GLRA1: variants seen among roughly 807,000 people sequenced by gnomAD.
GLRA1 encodes glycine receptor subunit alpha-1.
In GLRA1, 37 loss-of-function variants were observed where a neutral mutation model predicts 48.3. The observed-to-expected ratio is 0.77, with a 90% CI of 0.59 to 1.01. The LOEUF (loss-of-function observed/expected upper bound fraction) is 1.01. Among genes scored for constraint, GLRA1 ranks in the 50% least tolerant of loss-of-function variants. The pLI is 0.00. For synonymous variants in GLRA1, 196 were observed against 210.7 expected (o/e 0.93, Z 0.60); for missense variants, 427 against 571.0 (o/e 0.75, Z 2.57).
intron 3 of GLRA1, among the ~76,000 whole-genome samples, chr5:151,868,813 G>C (rs1581631190): frequency 6.6e-6 from 1 of 152,178 alleles, no homozygotes; most frequent in African/African-American, 2.4e-5. Context: ...CTATACTCAA[G>C]TCCAGTGCTT....
chr5:151,847,429 C>G (rs184474949), intron 7 of GLRA1, among the ~76,000 whole-genome samples: 1 of 151,950 alleles, frequency 6.6e-6, no homozygotes, highest in African/African-American at 2.4e-5. Flanking sequence ...GTAAGTGAAA[C>G]GGAACATTAT....
At chr5:151,854,953 C>A in intron 6 of GLRA1, 87 bp downstream of exon 6, 2 of 1,379,698 alleles carry the variant, frequency 1.4e-6, no homozygotes, top group African/African-American at 1.4e-5. Context: ...TTCATAAGAT[C>A]TGTTGGATCA....
At chr5:151,892,459 G>C (rs772851563) in intron 1 of GLRA1, 21 bp from the exon 2 acceptor site, 1 of 1,613,484 alleles carries the variant, frequency 6.2e-7, no homozygotes, top group Non-Finnish European at 8.5e-7. Flanking sequence ...AGAGAGGAGA[G>C]CAAAAGGTTA....
intron 1 of GLRA1, 140 bp downstream of exon 1, chr5:151,924,354 G>A: frequency 1.4e-6 from 1 of 703,152 alleles, no homozygotes; most frequent in Non-Finnish European, 2.6e-6. Flanking sequence ...GGAGAAGGGA[G>A]ACGGGGGATG....
At chr5:151,890,450 T>C (rs964508478) in intron 2 of GLRA1, among the ~76,000 whole-genome samples, 1 of 152,182 alleles carries the variant, frequency 6.6e-6, no homozygotes, top group African/African-American at 2.4e-5. Flanking sequence ...CTGGAATTCC[T>C]AAAAGCAGAG....
At chr5:151,904,157 T>C (rs1754423130) in intron 1 of GLRA1, among the ~76,000 whole-genome samples, 1 of 152,218 alleles carries the variant, frequency 6.6e-6, no homozygotes, top group African/African-American at 2.4e-5. Context: ...CAAGGCTCTG[T>C]GGCCAATGCC....
At chr5:151,900,393 T>TA (rs1754335003) in intron 1 of GLRA1, among the ~76,000 whole-genome samples, 1 of 152,240 alleles carries the variant, frequency 6.6e-6, no homozygotes, top group African/African-American at 2.4e-5. Context: ...CTTTACCTCT[T>TA]ACAGCATCCT....
intron 3 of GLRA1, among the ~76,000 whole-genome samples, chr5:151,865,785 A>G (rs1753320475): frequency 6.6e-6 from 1 of 152,130 alleles, no homozygotes; most frequent in South Asian, 2.1e-4. Flanking sequence ...AGAGACGGAG[A>G]ATGTACCTTG....
intron 3 of GLRA1, among the ~76,000 whole-genome samples, chr5:151,871,324 C>T (rs1235462708): frequency 1.3e-5 from 2 of 149,230 alleles, no homozygotes; most frequent in African/African-American, 2.6e-5. Flanking sequence ...GAAAAAGGAA[C>T]AACAACAAAA....
intron 1 of GLRA1, among the ~76,000 whole-genome samples, chr5:151,903,823 A>T (rs899547674): frequency 2.0e-5 from 3 of 152,194 alleles, no homozygotes; most frequent in Non-Finnish European, 4.4e-5. Flanking sequence ...TTTATGAAAC[A>T]TCAAGCATTT....
At chr5:151,834,825 A>G (rs1001685121) in intron 7 of GLRA1, among the ~76,000 whole-genome samples, 2 of 151,892 alleles carry the variant, frequency 1.3e-5, no homozygotes, top group African/African-American at 4.8e-5. Flanking sequence ...CAAGAGATCA[A>G]GACCATCCTG....
Position 151,822,697 on chromosome 5 carries a change from A to G in GLRA1, c.1326T>C (p.Arg442=), listed in dbSNP as rs536795343. Residue 442 remains arginine, a synonymous_variant, in exon 9 of 9, where the codon CGT becomes CGC. Coordinates refer to ENST00000274576, the MANE Select transcript of GLRA1 (RefSeq NM_000171.4). ...TTCACTGGTTGTGGACGTCCTCTCT[A>G]CGGACAATCTTGTAGATGATCCAGT... ...MFYWIIYKIV[R]REDVHNQ 6.2e-6 allele frequency: 10 copies of G among 1,613,092 alleles called. No homozygotes were observed. The highest frequency in any genetic ancestry group is 5.5e-5 in the South Asian group (5 of 91,044).
At chr5:151,921,065 T>C (rs935446919) in intron 1 of GLRA1, among the ~76,000 whole-genome samples, 1 of 152,230 alleles carries the variant, frequency 6.6e-6, no homozygotes, top group Non-Finnish European at 1.5e-5. Context: ...TTGAGTGGCA[T>C]ATTCAGTACA....
At chr5:151,838,343 C>A (rs984982838) in intron 7 of GLRA1, among the ~76,000 whole-genome samples, 1 of 152,056 alleles carries the variant, frequency 6.6e-6, no homozygotes, top group East Asian at 1.9e-4. Context: ...GTGGTGCATG[C>A]CTGTAATCCC....
chr5:151,842,784 G>C (rs968937891), intron 7 of GLRA1, among the ~76,000 whole-genome samples: 77 of 152,036 alleles, frequency 5.1e-4, no homozygotes, highest in Non-Finnish European at 1.6e-4. Flanking sequence ...TGACATCTAG[G>C]TGAGAAAGAA....
intron 3 of GLRA1, among the ~76,000 whole-genome samples, chr5:151,866,130 A>G (rs1235296544): frequency 6.6e-6 from 1 of 152,162 alleles, no homozygotes; most frequent in Non-Finnish European, 1.5e-5. Context: ...AGGGTAGCCC[A>G]CAAACCTGAA....
chr5:151,826,227 A>AT (rs999573488), intron 8 of GLRA1, among the ~76,000 whole-genome samples: 25 of 152,034 alleles, frequency 1.6e-4, no homozygotes, highest in African/African-American at 5.8e-4. Context: ...GGATGCTGTG[A>AT]TTTTTTTTCT....
rs371382193 is a variant in GLRA1, at chr5:151,886,797, C to T, written c.185-9G>A. ...CACGTTCACTGGGGGACCTGCCAATCAAGAGAGATTCCTGCTTAGCCCCAA... is the reference window on the plus strand; with the variant it reads ...CACGTTCACTGGGGGACCTGCCAATTAAGAGAGATTCCTGCTTAGCCCCAA... On this transcript the variant is annotated splice_polypyrimidine_tract_variant and intron_variant, in intron 2 of 8. Transcript: ENST00000274576. The T allele has an allele frequency of 1.3e-5, 21 of 1,607,024 alleles. No homozygotes were observed. The highest frequency in any genetic ancestry group is 1.7e-5 in the Non-Finnish European group (20 of 1,173,606).
At chr5:151,882,855 A>G (rs913921698) in intron 3 of GLRA1, among the ~76,000 whole-genome samples, 11 of 152,294 alleles carry the variant, frequency 7.2e-5, no homozygotes, top group African/African-American at 1.9e-4. Context: ...TTCATTTAAC[A>G]TCATTGACAG....
Sources: allele counts gnomAD v4.1 joint callset (sites outside exome capture counted in the v4.1 genomes callset), GRCh38; gene constraint gnomAD v4.1.1; transcripts MANE v1.5; gene names NCBI Gene and HGNC (gene_info 2026-07-23, HGNC 2026-07-21).